CDC20B: variants seen among roughly 807,000 people sequenced by gnomAD.
The protein encoded by CDC20B is cell division cycle protein 20 homolog B.
Under a neutral mutation model 64.1 loss-of-function variants are expected in CDC20B, and 58 were observed. The observed-to-expected ratio is 0.90, with a 90% confidence interval of 0.73 to 1.13. The LOEUF is 1.13. CDC20B is among the 50% of genes most tolerant of loss of function. The pLI, the probability that CDC20B is intolerant of heterozygous loss-of-function variation, is 0.00. For missense variants in CDC20B, 597 were observed against 633.0 expected (o/e 0.94, Z 0.61); for synonymous variants, 243 against 230.6 (o/e 1.05, Z -0.49).
At chr5:55,129,298 T>C (rs1259192043) in intron 6 of CDC20B, among the ~76,000 whole-genome samples, 2 of 152,034 alleles carry the variant, frequency 1.3e-5, no homozygotes, top group African/African-American at 4.8e-5. Context: ...GAATGAAATA[T>C]AAAAAACAAA....
chr5:55,168,149 C>T (rs1005671594), intron 2 of CDC20B, among the ~76,000 whole-genome samples: 4 of 152,046 alleles, frequency 2.6e-5, no homozygotes, highest in Admixed American at 2.6e-4. Context: ...CCACCACACT[C>T]CTTCCCACTC....
intron 9 of CDC20B, among the ~76,000 whole-genome samples, chr5:55,124,440 GA>G (rs1561286673): frequency 6.6e-6 from 1 of 152,172 alleles, no homozygotes; most frequent in African/African-American, 2.4e-5. Context: ...AATGAAACCA[GA>G]GATAAGCAGA....
intron 8 of CDC20B, among the ~76,000 whole-genome samples, chr5:55,126,185 G>A (rs1692474): frequency 0.2 from 30,325 of 151,974 alleles, 3,097 homozygotes; most frequent in South Asian, 0.3. Flanking sequence ...GTTTACATCA[G>A]ATTACTTAAA....
chr5:55,160,702 T>C (rs1439128481), intron 2 of CDC20B: 1 of 454,838 alleles, frequency 2.2e-6, no homozygotes, highest in African/African-American at 2.0e-5. Context: ...GTATTGGTTC[T>C]ATAATCTAAT....
chr5:55,170,674 G>A (rs750625976), intron 2 of CDC20B: 2 of 534,658 alleles, frequency 3.7e-6, no homozygotes, highest in African/African-American at 1.9e-5. Context: ...GCAAGTGGCA[G>A]GGTAGTTGTG....
intron 8 of CDC20B, among the ~76,000 whole-genome samples, chr5:55,126,977 C>CA (rs1033913430): frequency 5.9e-5 from 9 of 152,112 alleles, no homozygotes; most frequent in African/African-American, 2.2e-4. Flanking sequence ...TATTACTTAG[C>CA]ACAGAGAAAC....
At chr5:55,160,476 C>G (rs972343410) in intron 2 of CDC20B, 44 of 1,127,460 alleles carry the variant, frequency 3.9e-5, no homozygotes, top group Non-Finnish European at 5.4e-5. Context: ...CAATTTTTTG[C>G]TGTTACATGG....
rs151033849 is a variant in CDC20B, at chr5:55,146,129, C to T, written c.355+499G>A. Among the ~76,000 whole-genome samples, 456 of 152,256 alleles carry T rather than the reference C, an allele frequency of 3.0e-3. 2 individuals are homozygous for T. The highest frequency in any genetic ancestry group is 0.014 in the Middle Eastern group (4 of 294). ...CCTGAGGATGTAGGATGAGTCCCTA[C>T]ATCTCAAACTGCAACCTAACTTGGG... On this transcript the variant is annotated intron_variant, in intron 3 of 11. Transcript: ENST00000381375.
chr5:55,167,500 A>G (rs1404051409), intron 2 of CDC20B, among the ~76,000 whole-genome samples: 2 of 152,170 alleles, frequency 1.3e-5, no homozygotes, highest in African/African-American at 2.4e-5. Flanking sequence ...GTAAATGCTC[A>G]TGCTCCCTCA....
chr5:55,138,852 T>C (rs1743254163), intron 5 of CDC20B, among the ~76,000 whole-genome samples: 1 of 151,214 alleles, frequency 6.6e-6, no homozygotes, highest in South Asian at 2.1e-4. Context: ...ACCCAAAAGG[T>C]TTAAAAATAA....
intron 3 of CDC20B, among the ~76,000 whole-genome samples, chr5:55,144,439 C>T (rs994619016): frequency 6.6e-6 from 1 of 152,180 alleles, no homozygotes; most frequent in Non-Finnish European, 1.5e-5. Context: ...ATTGGAAAAT[C>T]TTAGCCTTTT....
At chr5:55,126,642 T>G (rs1414365) in intron 8 of CDC20B, among the ~76,000 whole-genome samples, 7,557 of 152,180 alleles carry the variant, frequency 0.05, 235 homozygotes, top group Non-Finnish European at 0.077. Context: ...AAGAAGCAGT[T>G]AAACTAAATC....
chr5:55,172,848 C>A (rs761576655), intron 1 of CDC20B, 90 bp downstream of exon 1: 36 of 1,289,410 alleles, frequency 2.8e-5, no homozygotes, highest in Non-Finnish European at 3.0e-5. Flanking sequence ...GAGTTTCGTA[C>A]CACCTCTTGG....
chr5:55,171,538 G>T (rs1386428371), intron 2 of CDC20B, among the ~76,000 whole-genome samples: 1 of 152,150 alleles, frequency 6.6e-6, no homozygotes, highest in East Asian at 1.9e-4. Flanking sequence ...TACTAGAAAT[G>T]ACATTAGTAA....
Position 55,124,946 on chromosome 5 carries a change from C to CA in CDC20B, c.1071dup (p.Val358CysfsTer19). The CA allele has an allele frequency of 1.2e-6, 2 of 1,614,194 alleles. No homozygotes were observed. Among genetic ancestry groups the CA allele is most frequent in the Non-Finnish European group, 1.7e-6 (2 of 1,180,024 alleles). ...TCCGGTGACCACTTCAGAGCACACA[C>CA]AGCTTGCTTGTGGCGAAGTGTTCCA... On this transcript the variant is annotated frameshift_variant, in exon 9 of 12. Transcript: ENST00000381375. LOFTEE classifies it high-confidence loss of function.
At chr5:55,150,353 A>G (rs1344137633) in intron 2 of CDC20B, among the ~76,000 whole-genome samples, 1 of 152,200 alleles carries the variant, frequency 6.6e-6, no homozygotes, top group Non-Finnish European at 1.5e-5. Context: ...GGAATATGCT[A>G]GAATGTTGAA....
At chr5:55,135,061 A>C (rs961379202) in intron 5 of CDC20B, among the ~76,000 whole-genome samples, 2 of 152,216 alleles carry the variant, frequency 1.3e-5, no homozygotes, top group Admixed American at 1.3e-4. Context: ...ATGATGTGTC[A>C]GTGTAGGTTC....
intron 9 of CDC20B, among the ~76,000 whole-genome samples, chr5:55,124,347 T>C (rs1580338987): frequency 6.6e-6 from 1 of 152,264 alleles, no homozygotes. Flanking sequence ...GAAAAATGGC[T>C]TCTTATCCAG....
intron 9 of CDC20B, among the ~76,000 whole-genome samples, chr5:55,122,884 A>G (rs1742793079): frequency 6.6e-6 from 1 of 152,178 alleles, no homozygotes; most frequent in Admixed American, 6.5e-5. Context: ...CAACCTCATG[A>G]GTGATCCTGA....
Sources: gnomAD v4.1 joint callset for allele counts (sites outside exome capture counted in the v4.1 genomes callset) on GRCh38, gnomAD v4.1.1 for gene constraint, MANE v1.5 for transcripts, NCBI Gene and HGNC (gene_info 2026-07-23, HGNC 2026-07-21) for gene names.